Variants in SLC25A24 observed in about 807,000 individuals in gnomAD.
The protein encoded by SLC25A24 is mitochondrial adenyl nucleotide antiporter SLC25A24.
In SLC25A24, 49 loss-of-function variants were observed where a neutral mutation model predicts 60.7. The observed-to-expected ratio is 0.81, with a 90% CI of 0.64 to 1.02. The LOEUF (loss-of-function observed/expected upper bound fraction) is 1.02. SLC25A24 is among the 50% of genes least tolerant of loss of function. The pLI is 0.00. For missense variants in SLC25A24, 564 were observed against 586.3 expected, an observed-to-expected ratio of 0.96 and a Z score of 0.39; for synonymous variants, 202 against 200.6, an observed-to-expected ratio of 1.01 and a Z score of -0.06.
chr1:108,199,779 C>T, intron 1 of SLC25A24, 177 bp downstream of exon 1: 1 of 600,144 alleles, frequency 1.7e-6, no homozygotes, highest in South Asian at 2.0e-5. Flanking sequence ...CTTCTGTTAC[C>T]GGGGTCGCCG....
Position 108,193,043 on chromosome 1 carries a change from G to A in SLC25A24, c.183+6913C>T, listed in dbSNP as rs1648395410. 2.9e-5 allele frequency among the ~76,000 whole-genome samples: 4 copies of A among 140,042 alleles called. 2 individuals are homozygous for A. In the South Asian group the frequency reaches 1.1e-3, roughly 38 times the overall value. 91.9% of individuals were successfully genotyped at this position (140,042 alleles called of 152,430 possible). On this transcript the variant is annotated intron_variant, in intron 1 of 9. Coordinates refer to ENST00000565488, the MANE Select transcript of SLC25A24 (RefSeq NM_013386.5). ...AGTATAGCTTCTCTTTTGGAGAGAA[G>A]TAGGTTGGGAATGTTGGGACATGGG...
At chr1:108,161,111 G>C (rs1680066654) in intron 4 of SLC25A24, 71 bp downstream of exon 4, 2 of 802,060 alleles carry the variant, frequency 2.5e-6, no homozygotes, top group Admixed American at 4.3e-5. Flanking sequence ...GTGTTACAGA[G>C]TGTTCTTGGG....
intron 1 of SLC25A24, among the ~76,000 whole-genome samples, chr1:108,186,761 T>C (rs1648137591): frequency 1.3e-5 from 2 of 152,226 alleles, no homozygotes; most frequent in East Asian, 1.9e-4. Flanking sequence ...ACTGTTCTCA[T>C]GGTCATGCTC....
intron 3 of SLC25A24, among the ~76,000 whole-genome samples, chr1:108,173,886 G>A (rs1056969701): frequency 6.6e-6 from 1 of 152,146 alleles, no homozygotes; most frequent in African/African-American, 2.4e-5. Context: ...AAAGAGACTG[G>A]TGGCTTTTTG....
At position 108,135,909 on chromosome 1, in the gene SLC25A24, G is replaced by A. The variant is rs897954990; in HGVS notation, c.*744C>T. 2.6e-5 allele frequency: 4 copies of A among 152,278 alleles called. No individual in the cohort carries two copies. Among genetic ancestry groups the A allele is most frequent in the Non-Finnish European group, 4.4e-5 (3 of 68,026 alleles). 9.4% of individuals were successfully genotyped at this position (152,278 alleles called of 1,614,324 possible). A position where few individuals can be genotyped will look rare whatever the true frequency, so the allele number is the denominator to read the frequency against. Reference sequence around the variant, plus strand: ...AAGCTGATACAAGTCAAAGGATTTCGTTTCCTGCTGCTTTTCAAAGCAATG... The same window carrying A: ...AAGCTGATACAAGTCAAAGGATTTCATTTCCTGCTGCTTTTCAAAGCAATG... On this transcript the variant is annotated 3_prime_UTR_variant, in exon 10 of 10. Transcript: ENST00000565488.
At chr1:108,144,952 G>A (rs1250186806) in intron 7 of SLC25A24, among the ~76,000 whole-genome samples, 1 of 152,134 alleles carries the variant, frequency 6.6e-6, no homozygotes, top group Non-Finnish European at 1.5e-5. Flanking sequence ...AACCAGTAAT[G>A]GGATTGCTGG....
intron 1 of SLC25A24, among the ~76,000 whole-genome samples, chr1:108,194,214 G>A (rs1337323752): frequency 7.2e-6 from 1 of 138,410 alleles, no homozygotes; most frequent in Non-Finnish European, 1.6e-5. Flanking sequence ...TTGCACCATG[G>A]TTAGTCAAAA....
chr1:108,167,717 G>A (rs1240228562), intron 3 of SLC25A24, among the ~76,000 whole-genome samples: 1 of 152,192 alleles, frequency 6.6e-6, no homozygotes, highest in Non-Finnish European at 1.5e-5. Context: ...GATGAACCCG[G>A]TACCTCAGAT....
rs1571275631 is a variant in SLC25A24, at chr1:108,139,626, A to G, written c.1099-418T>C. On this transcript the variant is annotated intron_variant, in intron 8 of 9. Transcript: ENST00000565488. ...AAATGAGAAAAATTCATCTCAGCGG[A>G]GTTTTTGTTTGTTTTTTTGAGATGG... is the stretch of plus-strand genomic sequence containing the variant. Among the ~76,000 whole-genome samples the G allele has an allele frequency of 2.0e-5, 3 of 152,124 alleles. No homozygotes were observed. The East Asian group carries it at 5.8e-4, about 29-fold the overall frequency.
intron 1 of SLC25A24, among the ~76,000 whole-genome samples, chr1:108,189,753 T>G (rs1648279466): frequency 6.7e-6 from 1 of 150,074 alleles, no homozygotes; most frequent in Non-Finnish European, 1.5e-5. Context: ...TAGACAGAGG[T>G]TGCAGTGAAC....
intron 6 of SLC25A24, among the ~76,000 whole-genome samples, chr1:108,150,487 ATT>A (rs1679727292): frequency 6.6e-6 from 1 of 152,164 alleles, no homozygotes; most frequent in African/African-American, 2.4e-5. Context: ...GTTCTCTCCC[ATT>A]TGTTAGACTA....
At chr1:108,168,346 T>A (rs1367265494) in intron 3 of SLC25A24, among the ~76,000 whole-genome samples, 1 of 152,216 alleles carries the variant, frequency 6.6e-6, no homozygotes, top group Non-Finnish European at 1.5e-5. Flanking sequence ...TCTATTTTAA[T>A]GTAATTGTTG....
intron 3 of SLC25A24, among the ~76,000 whole-genome samples, chr1:108,170,091 T>C (rs969108159): frequency 3.9e-5 from 6 of 152,160 alleles, no homozygotes; most frequent in African/African-American, 1.4e-4. Flanking sequence ...CACATTAATT[T>C]TCAGACTTAA....
At position 108,143,584 on chromosome 1, in the gene SLC25A24, C is replaced by G; in HGVS notation, c.1057G>C (p.Gly353Arg). The change falls in exon 8 of 10, where the codon GGT becomes CGT. Residue 353 changes from glycine to arginine, a missense_variant. Gly to Arg is a moderately radical substitution (Grantham distance 125, BLOSUM62 -2). Coordinates refer to ENST00000565488, the MANE Select transcript of SLC25A24 (RefSeq NM_013386.5). ...TCTATGCCTGCATAAGGTATGATAC[C>G]TAATAAATTGGGAACATAGCCTTTG... ...FYKGYVPNLL[G>R]IIPYAGIDLA... 1 of 1,613,674 alleles carries G rather than the reference C, an allele frequency of 6.2e-7. No homozygotes were observed.
chr1:108,192,799 G>C (rs901897244), intron 1 of SLC25A24: 2 of 1,280,280 alleles, frequency 1.6e-6, no homozygotes, highest in Non-Finnish European at 2.0e-6. Context: ...TGGAAGGAGA[G>C]GGCTCATCCT....
chr1:108,173,242 T>G (rs1006172267), intron 3 of SLC25A24, among the ~76,000 whole-genome samples: 4 of 152,126 alleles, frequency 2.6e-5, no homozygotes, highest in Non-Finnish European at 4.4e-5. Context: ...ATAATTTCCA[T>G]GTGTCACGGG....
At chr1:108,188,638 T>C (rs759372547) in intron 1 of SLC25A24, among the ~76,000 whole-genome samples, 7 of 152,180 alleles carry the variant, frequency 4.6e-5, no homozygotes, top group African/African-American at 7.2e-5. Context: ...AAGTCAATAC[T>C]ATAATACCAG....
chr1:108,146,669 A>G (rs1412589460), intron 7 of SLC25A24, among the ~76,000 whole-genome samples: 4 of 152,206 alleles, frequency 2.6e-5, no homozygotes, highest in Non-Finnish European at 4.4e-5. Context: ...ATCTATTGAG[A>G]TAATCATGCG....
chr1:108,173,615 G>C (rs1220109059), intron 3 of SLC25A24, among the ~76,000 whole-genome samples: 1 of 152,206 alleles, frequency 6.6e-6, no homozygotes, highest in Admixed American at 6.5e-5. Context: ...ACTGACTTTG[G>C]AACTGGGTAA....
Sources: gnomAD v4.1 joint callset for allele counts (sites outside exome capture counted in the v4.1 genomes callset) on GRCh38, gnomAD v4.1.1 for gene constraint, MANE v1.5 for transcripts, NCBI Gene and HGNC (gene_info 2026-07-23, HGNC 2026-07-21) for gene names.